Variants in SPOUT1 observed in about 807,000 individuals in gnomAD.
The protein encoded by SPOUT1 is SPOUT domain containing methyltransferase 1, also known as 28S rRNA (uridine-N(3))-methyltransferase.
SPOUT1 carries 40 observed loss-of-function variants against 54.8 expected under a neutral mutation model. That is an observed-to-expected ratio of 0.73 (90% CI 0.57 to 0.95). SPOUT1 has a LOEUF of 0.95. Ranked by LOEUF, SPOUT1 falls within the 40% of genes least tolerant of loss-of-function variation. SPOUT1 has a pLI of 0.00. For synonymous variants in SPOUT1, 193 were observed against 200.3 expected (o/e 0.96, Z 0.31); for missense variants, 437 against 499.5 (o/e 0.87, Z 1.19).
At position 128,829,729 on chromosome 9, in the gene SPOUT1, C is replaced by A; in HGVS notation, c.36+16G>T. 3.1e-6 allele frequency: 5 copies of A among 1,589,258 alleles called. No individual in the cohort carries two copies. Among genetic ancestry groups the A allele is most frequent in the Non-Finnish European group, 4.3e-6 (5 of 1,166,406 alleles). ...CACCATGCTGCCCTGCACGGGGTCCCGCCGCCCGCACTTACCGGGCCGCAC... is the reference window on the plus strand; with the variant it reads ...CACCATGCTGCCCTGCACGGGGTCCAGCCGCCCGCACTTACCGGGCCGCAC... On this transcript the variant is annotated intron_variant, in intron 1 of 11. Transcript: ENST00000361256.
intron 9 of SPOUT1, 110 bp from the exon 10 acceptor site, chr9:128,824,284 G>A (rs540862905): frequency 3.3e-6 from 2 of 606,526 alleles, no homozygotes; most frequent in African/African-American, 3.7e-5. Flanking sequence ...TGTGTGGTGT[G>A]TGTGTGTGTG....
Position 128,820,726 on chromosome 9 carries a change from T to C in SPOUT1, c.*2039A>G, listed in dbSNP as rs888204657. 4 of 1,601,014 alleles carry C rather than the reference T, an allele frequency of 2.5e-6. No homozygotes were observed. In the African/African-American group the frequency reaches 4.0e-5, roughly 16 times the overall value. On this transcript the variant is annotated 3_prime_UTR_variant, in exon 12 of 12. Coordinates refer to ENST00000361256, the MANE Select transcript of SPOUT1 (RefSeq NM_016390.4). ...CCAGCCACAGTCCTGCTAAGCCCTA[T>C]CTCTCCTACCAGGTGCCCCACCTCA...
At chr9:128,828,671 G>T in intron 3 of SPOUT1, 64 bp downstream of exon 3, 5 of 1,579,736 alleles carry the variant, frequency 3.2e-6, no homozygotes, top group Non-Finnish European at 4.3e-6. Flanking sequence ...AGACATCTCT[G>T]CTCTGCCTGC....
Position 128,828,495 on chromosome 9 carries a change from C to CAA in SPOUT1, c.208+238_208+239dup, listed in dbSNP as rs11475667. On this transcript the variant is annotated intron_variant, in intron 3 of 11. Coordinates refer to ENST00000361256, the MANE Select transcript of SPOUT1 (RefSeq NM_016390.4). ...TGGGCAACAGAGCAAGACTCCATCTCAAAAAAAAAAAAAAAGAGAGATAAG... is the reference window on the plus strand; with the variant it reads ...TGGGCAACAGAGCAAGACTCCATCTCAAAAAAAAAAAAAAAAAGAGAGATAAG... 3.0e-3 allele frequency among the ~76,000 whole-genome samples: 419 copies of CAA among 141,752 alleles called. 1 individual carries two copies. The highest frequency in any genetic ancestry group is 6.6e-3 in the East Asian group (32 of 4,874). 93.0% of individuals were successfully genotyped at this position (141,752 alleles called of 152,430 possible). A position where few individuals can be genotyped will look rare whatever the true frequency, so the allele number is the denominator to read the frequency against.
At position 128,822,462 on chromosome 9, in the gene SPOUT1, T is replaced by C. The variant is rs1159737508; in HGVS notation, c.*303A>G. ...CAAATTGAGCTCCGCACCTACGTGA[T>C]GCCCAACGCACCTGTGGATGAGGCC... On this transcript the variant is annotated 3_prime_UTR_variant, in exon 12 of 12. Transcript: ENST00000361256. The C allele has an allele frequency of 6.3e-7, 1 of 1,577,076 alleles. No individual in the cohort carries two copies. Among genetic ancestry groups the C allele is most frequent in the Non-Finnish European group, 8.6e-7 (1 of 1,161,158 alleles).
rs1189685106 is a variant in SPOUT1 at position 128,826,887 on chromosome 9, C to A, written c.368+145G>T. 6.7e-6 allele frequency: 6 copies of A among 901,194 alleles called. No individual in the cohort carries two copies. In the African/African-American group the frequency reaches 8.3e-5, roughly 13 times the overall value. 55.8% of individuals were successfully genotyped at this position (901,194 alleles called of 1,614,324 possible). ...TCATCACCCCCACCTGGCAACTCTA[C>A]CCACTAAGGATTACACAGGGAATAT... On this transcript the variant is annotated intron_variant, in intron 4 of 11. Transcript: ENST00000361256. The surrounding 1 kb of genome is among the most constrained non-coding windows in gnomAD (Gnocchi z 5.5).
chr9:128,828,965 AGCCTCCCCAGGGCTCCCGGCCCCT>A (rs2118822764), intron 2 of SPOUT1, 105 bp from the exon 3 acceptor site: 1 of 1,558,470 alleles, frequency 6.4e-7, no homozygotes, highest in South Asian at 1.1e-5. Flanking sequence ...GCAGCAAGGG[AGCCTCCCCAGGGCTCCCGGCCCCT>A]GCCTCCCCAC....
chr9:128,827,256 TCCTCTG>T (rs1830260623), intron 3 of SPOUT1, 65 bp from the exon 4 acceptor site: 1 of 1,457,178 alleles, frequency 6.9e-7, no homozygotes, highest in African/African-American at 1.4e-5. Context: ...TTCTCTCCCT[TCCTCTG>T]TCCCTAGCGC....
At chr9:128,828,277 C>T (rs938135489) in intron 3 of SPOUT1, among the ~76,000 whole-genome samples, 2 of 152,158 alleles carry the variant, frequency 1.3e-5, no homozygotes, top group African/African-American at 4.8e-5. Context: ...GGGCAGATCA[C>T]CTGAGGTCAG....
chr9:128,823,693 C>T (rs919576800), intron 11 of SPOUT1, 54 bp downstream of exon 11: 21 of 1,521,092 alleles, frequency 1.4e-5, no homozygotes, highest in African/African-American at 1.1e-4. Context: ...ACCCGCCCCT[C>T]GGACAGATCC....
At chr9:128,823,963 A>C (rs1467160501) in intron 10 of SPOUT1, 69 bp from the exon 11 acceptor site, 12 of 1,593,052 alleles carry the variant, frequency 7.5e-6, no homozygotes, top group Non-Finnish European at 1.0e-5. Flanking sequence ...CCCAGACCTC[A>C]GTCCCTCCCC....
rs1422228041 is a variant in SPOUT1 at position 128,826,810 on chromosome 9, G to C, written c.369-181C>G. On this transcript the variant is annotated intron_variant, in intron 4 of 11. Transcript: ENST00000361256. The surrounding 1 kb of genome is among the most constrained non-coding windows in gnomAD (Gnocchi z 5.5). ...CCACTGCATGCACTCCAGCCGGGGT[G>C]ACAGCTGAGATACAGGTTTAGGCCT... is the stretch of plus-strand genomic sequence containing the variant. Among the ~76,000 whole-genome samples the C allele has an allele frequency of 6.6e-6, 1 of 152,148 alleles. No individual in the cohort carries two copies. The highest frequency in any genetic ancestry group is 2.4e-5 in the African/African-American group (1 of 41,430).
intron 9 of SPOUT1, 61 bp from the exon 10 acceptor site, chr9:128,824,235 A>C: frequency 1.8e-6 from 1 of 561,914 alleles, no homozygotes; most frequent in Non-Finnish European, 3.4e-6. Flanking sequence ...TCCGGGTATT[A>C]TGTGTGTGTG....
intron 9 of SPOUT1, 88 bp downstream of exon 9, chr9:128,824,683 C>A (rs1416170151): frequency 1.1e-6 from 1 of 906,474 alleles, no homozygotes; most frequent in African/African-American, 1.6e-5. Flanking sequence ...AGGACAAAAA[C>A]CCTGGTCTGA....
At position 128,826,510 on chromosome 9, in the gene SPOUT1, C is replaced by G; in HGVS notation, c.458+30G>C. The G allele has an allele frequency of 6.2e-7, 1 of 1,610,472 alleles. No homozygotes were observed. The highest frequency in any genetic ancestry group is 8.5e-7 in the Non-Finnish European group (1 of 1,176,874). On this transcript the variant is annotated intron_variant, in intron 5 of 11. Transcript: ENST00000361256. The surrounding 1 kb of genome is among the most constrained non-coding windows in gnomAD (Gnocchi z 5.5). ...CTGGTCTCCACTTTGACACACCCCT[C>G]CCTCATGCTTAGGGGAGTGACCCCC...
rs1589594838 is a variant in SPOUT1, at chr9:128,825,872, T to C, written c.639+150A>G. ...TAAATTCATTCCTGGCTTTATCTAT[T>C]GAGCCCCATTTTGCACAATTCTCTG... On this transcript the variant is annotated intron_variant, in intron 7 of 11. Transcript: ENST00000361256. 3 of 882,872 alleles carry C rather than the reference T, an allele frequency of 3.4e-6. No homozygotes were observed. The East Asian group carries it at 7.4e-5, about 22-fold the overall frequency. 54.7% of individuals were successfully genotyped at this position (882,872 alleles called of 1,614,324 possible).
rs1057174251 is a variant in SPOUT1, at chr9:128,819,885, C to G, written c.*2880G>C. ...AGGGTTCCAGCTCCTATGACAATCT[C>G]CAGCCGCCACTGATCTGACAGGAGG... On this transcript the variant is annotated 3_prime_UTR_variant, in exon 12 of 12. Transcript: ENST00000361256. The G allele has an allele frequency of 6.6e-6, 1 of 151,940 alleles. No individual in the cohort carries two copies. Among genetic ancestry groups the G allele is most frequent in the African/African-American group, 2.4e-5 (1 of 41,444 alleles). The allele number at this position is 151,940 out of a possible 1,614,324, so 9.4% of individuals were successfully genotyped here.
In SPOUT1 at chr9:128,826,993, T is replaced by C; in HGVS notation, c.368+39A>G. The C allele has an allele frequency of 1.3e-6, 2 of 1,599,856 alleles. No individual in the cohort carries two copies. The highest frequency in any genetic ancestry group is 1.7e-6 in the Non-Finnish European group (2 of 1,170,210). ...TCGGCCCATCCCGGCAGCCCCTCCC[T>C]CTCCCTGAACCCTGGCACCCTGTGG... On this transcript the variant is annotated intron_variant, in intron 4 of 11. Transcript: ENST00000361256. This position sits in a 1 kb window ranked among gnomAD's most constrained non-coding sequence, Gnocchi z 5.5.
In SPOUT1 at chr9:128,825,059, A is replaced by T. The variant is rs753858685; in HGVS notation, c.640-10T>A. 4 of 1,557,276 alleles carry T rather than the reference A, an allele frequency of 2.6e-6. No individual in the cohort carries two copies. In the East Asian group the frequency reaches 9.5e-5, roughly 37 times the overall value. On this transcript the variant is annotated splice_polypyrimidine_tract_variant and intron_variant, in intron 7 of 11. Coordinates refer to ENST00000361256, the MANE Select transcript of SPOUT1 (RefSeq NM_016390.4). ...TGTCAATCTTCACCTCCTGGGGAGA[A>T]GCCAGAAGAAATGGGTGCCATTCCT...
Sources: allele counts gnomAD v4.1 joint callset (sites outside exome capture counted in the v4.1 genomes callset), GRCh38; gene constraint gnomAD v4.1.1; non-coding constraint Gnocchi (gnomAD v3.1); transcripts MANE v1.5; gene names NCBI Gene and HGNC (gene_info 2026-07-23, HGNC 2026-07-21).